Variants in PRKCH observed in about 807,000 individuals in gnomAD.
The protein encoded by PRKCH is protein kinase C eta type.
A neutral mutation model predicts 82.5 loss-of-function variants in PRKCH; 28 were observed. The ratio of observed to expected loss-of-function variants is 0.34; its 90% CI spans 0.25 to 0.47. PRKCH has a LOEUF of 0.47. Among genes scored for constraint, PRKCH ranks in the 20% least tolerant of loss-of-function variants. The pLI, the probability that PRKCH is intolerant of heterozygous loss-of-function variation, is 1.00. For synonymous variants in PRKCH, 322 were observed against 327.4 expected (o/e 0.98, Z 0.18); for missense variants, 705 against 881.8 (o/e 0.80, Z 2.54).
intron 1 of PRKCH, among the ~76,000 whole-genome samples, chr14:61,350,204 C>T (rs191350702): frequency 1.8e-3 from 276 of 152,336 alleles, no homozygotes; most frequent in African/African-American, 4.8e-3. Flanking sequence ...GTCTCCTCCC[C>T]TCTCCGGAAT....
intron 1 of PRKCH, among the ~76,000 whole-genome samples, chr14:61,328,166 C>T (rs1012097569): frequency 7.0e-5 from 10 of 143,386 alleles, no homozygotes; most frequent in Non-Finnish European, 1.2e-4. Context: ...AGGAGAATGG[C>T]GTGAACCCGG....
intron 12 of PRKCH, among the ~76,000 whole-genome samples, chr14:61,534,334 T>C (rs1594792899): frequency 6.6e-6 from 1 of 152,190 alleles, no homozygotes; most frequent in Non-Finnish European, 1.5e-5. Flanking sequence ...AACAGATGAA[T>C]AGATAAGTAA....
intron 1 of PRKCH, among the ~76,000 whole-genome samples, chr14:61,353,117 CTT>C (rs2046104012): frequency 6.6e-6 from 1 of 152,038 alleles, no homozygotes; most frequent in Non-Finnish European, 1.5e-5. Flanking sequence ...GGTTTTGAAA[CTT>C]TTTGAATATT....
At chr14:61,486,840 G>A (rs1441878330) in intron 10 of PRKCH, among the ~76,000 whole-genome samples, 1 of 152,072 alleles carries the variant, frequency 6.6e-6, no homozygotes, top group Non-Finnish European at 1.5e-5. Flanking sequence ...CTCTTGAGAT[G>A]CAATTGTTGC....
intron 2 of PRKCH, among the ~76,000 whole-genome samples, chr14:61,418,094 A>G (rs1882653982): frequency 6.6e-6 from 1 of 152,224 alleles, no homozygotes; most frequent in African/African-American, 2.4e-5. Flanking sequence ...GCGCAGGTCT[A>G]TCCTGTTCTG....
In PRKCH at chr14:61,393,961, T is replaced by C. The variant is rs1187450827; in HGVS notation, c.427+2673T>C. On this transcript the variant is annotated intron_variant, in intron 2 of 13. Transcript: ENST00000332981. ...CATCATCAACTAGTTGTTTAAAATA[T>C]ATTTTCCAGGTATTTTAATCTTTTG... is the stretch of plus-strand genomic sequence containing the variant. Among the ~76,000 whole-genome samples, 4 of 152,376 alleles carry C rather than the reference T, an allele frequency of 2.6e-5. No individual in the cohort carries two copies. In the South Asian group the frequency reaches 8.3e-4, roughly 32 times the overall value.
At chr14:61,440,614 G>T (rs1049562342) in intron 2 of PRKCH, among the ~76,000 whole-genome samples, 1 of 152,166 alleles carries the variant, frequency 6.6e-6, no homozygotes, top group African/African-American at 2.4e-5. Context: ...GGTGGCTCAC[G>T]CCTGTAATCC....
chr14:61,295,811 G>A (rs931280769), intron 1 of PRKCH, among the ~76,000 whole-genome samples: 3 of 151,674 alleles, frequency 2.0e-5, no homozygotes, highest in African/African-American at 4.8e-5. Context: ...TCATTGTTTC[G>A]AATGCTCTCT....
At chr14:61,442,850 A>G (rs1884041875) in intron 2 of PRKCH, 2 of 287,606 alleles carry the variant, frequency 7.0e-6, no homozygotes, top group South Asian at 6.1e-5. Context: ...AGGTAGGAGC[A>G]TCACTTGGGC....
rs576486975 is a variant in PRKCH at position 61,530,278 on chromosome 14, C to T, written c.1573-129C>T. The T allele has an allele frequency of 2.7e-5, 28 of 1,021,568 alleles. No individual in the cohort carries two copies. In the African/African-American group the frequency reaches 4.0e-4, roughly 15 times the overall value. The allele number at this position is 1,021,568 out of a possible 1,614,324, so 63.3% of individuals were successfully genotyped here. On this transcript the variant is annotated intron_variant, in intron 11 of 13. Transcript: ENST00000332981. ...CTCTGTAGAAATGGAATGAAATACGCTTGCTAGCACAGGAGACTTTTTTAA... is the reference window on the plus strand; with the variant it reads ...CTCTGTAGAAATGGAATGAAATACGTTTGCTAGCACAGGAGACTTTTTTAA...
intron 1 of PRKCH, among the ~76,000 whole-genome samples, chr14:61,256,217 A>T (rs1213908647): frequency 6.6e-6 from 1 of 152,238 alleles, no homozygotes; most frequent in Non-Finnish European, 1.5e-5. Context: ...AAGACAGATA[A>T]AAGCTGACCA....
At chr14:61,244,330 T>A (rs1004640914) in intron 1 of PRKCH, among the ~76,000 whole-genome samples, 10 of 152,190 alleles carry the variant, frequency 6.6e-5, no homozygotes, top group Admixed American at 6.5e-5. Context: ...GCCGATTAAC[T>A]GTAGTTCAAG....
intron 1 of PRKCH, among the ~76,000 whole-genome samples, chr14:61,308,962 A>G (rs1425881386): frequency 1.3e-5 from 2 of 151,970 alleles, no homozygotes; most frequent in African/African-American, 4.9e-5. Flanking sequence ...TTAAGTGATT[A>G]TATTTGGACT....
intron 2 of PRKCH, among the ~76,000 whole-genome samples, chr14:61,436,748 T>C (rs1438228745): frequency 1.3e-5 from 2 of 152,178 alleles, no homozygotes; most frequent in South Asian, 4.1e-4. Flanking sequence ...GGCCAGACGG[T>C]CTTGAACTCC....
intron 10 of PRKCH, among the ~76,000 whole-genome samples, chr14:61,487,831 A>AC (rs1886291659): frequency 2.5e-3 from 1 of 402 alleles, no homozygotes; most frequent in Non-Finnish European, 0.038. Context: ...CTATCTCTAC[A>AC]AAAAAAAAAA....
In PRKCH at chr14:61,202,802, A is replaced by G. The variant is rs75824120; in HGVS notation, c.-19+15134A>G. ...ACTTATCCTCACGCCCTCCTCCCCA[A>G]TTTCGCCTATTATTAATATCTTGCA... On this transcript the variant is annotated intron_variant, in intron 1 of 3. Coordinates refer to the PRKCH transcript ENST00000555185. 5.0e-3 allele frequency among the ~76,000 whole-genome samples: 758 copies of G among 152,140 alleles called. 18 individuals carry two copies. In the East Asian group the frequency reaches 0.067, roughly 13 times the overall value.
At chr14:61,372,925 C>T (rs1213423018) in intron 1 of PRKCH, among the ~76,000 whole-genome samples, 2 of 152,030 alleles carry the variant, frequency 1.3e-5, no homozygotes, top group Non-Finnish European at 2.9e-5. Context: ...CTCTGATAGG[C>T]CTCAACTCAT....
At chr14:61,210,858 G>A (rs1394932396) in intron 1 of PRKCH, among the ~76,000 whole-genome samples, 1 of 151,666 alleles carries the variant, frequency 6.6e-6, no homozygotes, top group Admixed American at 6.6e-5. Context: ...AATTAGAGAA[G>A]CAGAAGCACT....
chr14:61,296,411 G>T lies in PRKCH; in HGVS notation c.-19+108743G>T, dbSNP rs2045406480. On this transcript the variant is annotated intron_variant, in intron 1 of 3. Coordinates refer to the PRKCH transcript ENST00000555185. ...TGTGCTGTACCACTTCCACACTTAT[G>T]CCCCCAGAGTTGGGTGGCAGTGTGA... is the stretch of plus-strand genomic sequence containing the variant. 2.6e-5 allele frequency among the ~76,000 whole-genome samples: 4 copies of T among 152,084 alleles called. 1 individual carries two copies. In the South Asian group the frequency reaches 8.3e-4, roughly 32 times the overall value.
Sources: gnomAD v4.1 joint callset for allele counts (sites outside exome capture counted in the v4.1 genomes callset) on GRCh38, gnomAD v4.1.1 for gene constraint, MANE v1.5 for transcripts, NCBI Gene and HGNC (gene_info 2026-07-23, HGNC 2026-07-21) for gene names.